HIVEP1: variants seen among roughly 807,000 people sequenced by gnomAD.
The protein encoded by HIVEP1 is HIVEP zinc finger 1.
Under a neutral mutation model 180.0 loss-of-function variants are expected in HIVEP1, and 36 were observed. The ratio of observed to expected loss-of-function variants is 0.20; its 90% confidence interval spans 0.15 to 0.26. The LOEUF (loss-of-function observed/expected upper bound fraction) is 0.26, where lower values mean the gene tolerates loss of function less well. HIVEP1 is among the 10% of genes least tolerant of loss of function. The pLI is 1.00. For synonymous variants in HIVEP1, 1,239 were observed against 1,239.0 expected, an observed-to-expected ratio of 1.00 and a Z score of 0.00; for missense variants, 3,143 against 3,268.7, an observed-to-expected ratio of 0.96 and a Z score of 0.94.
the HIVEP1 span, among the ~76,000 whole-genome samples, chr6:12,199,320 C>T: frequency 1.1e-4 from 17 of 150,222 alleles, no homozygotes; most frequent in East Asian, 5.9e-4. Context: ...AATGTGAGAA[C>T]GGACTAATCC....
intron 7 of HIVEP1, among the ~76,000 whole-genome samples, chr6:12,144,383 G>A (rs568647591): frequency 1.3e-5 from 2 of 152,324 alleles, no homozygotes; most frequent in South Asian, 2.1e-4. Flanking sequence ...ATTGATTCAA[G>A]ATGGGTTAAA....
chr6:12,138,133 A>G (rs1758805826), intron 7 of HIVEP1, among the ~76,000 whole-genome samples: 1 of 152,218 alleles, frequency 6.6e-6, no homozygotes, highest in South Asian at 2.1e-4. Flanking sequence ...ATATCTATGA[A>G]TAGTATGTGA....
chr6:12,010,020 TC>T (rs1366519473), upstream of HIVEP1, among the ~76,000 whole-genome samples: 2 of 152,244 alleles, frequency 1.3e-5, no homozygotes, highest in Non-Finnish European at 2.9e-5. Context: ...TCACTCATTA[TC>T]ACATTACCTT....
intron 7 of HIVEP1, among the ~76,000 whole-genome samples, chr6:12,141,211 G>T (rs1015178169): frequency 2.0e-5 from 3 of 151,970 alleles, no homozygotes; most frequent in African/African-American, 7.3e-5. Context: ...GTGGGGGCTG[G>T]TATTCAGCAT....
the HIVEP1 span, among the ~76,000 whole-genome samples, chr6:12,197,419 T>C: frequency 3.3e-5 from 5 of 150,698 alleles, no homozygotes; most frequent in African/African-American, 1.2e-4. Flanking sequence ...ATTAGCCAGG[T>C]GTGGTGGCAT....
chr6:12,071,284 AC>A (rs1208605854), intron 2 of HIVEP1, among the ~76,000 whole-genome samples: 3 of 151,872 alleles, frequency 2.0e-5, no homozygotes, highest in Non-Finnish European at 2.9e-5. Context: ...AAAGTGGGTC[AC>A]CTCCTTGATA....
rs768555369 is a variant in HIVEP1, at chr6:12,161,912, G to T, written c.6961G>T (p.Ala2321Ser). 9 of 1,611,438 alleles carry T rather than the reference G, an allele frequency of 5.6e-6. No homozygotes were observed. Among genetic ancestry groups the T allele is most frequent in the Middle Eastern group, 1.7e-4 (1 of 6,050 alleles). ...EILRSSMAGKAVAITQSPSSV... is the reference protein window; with the variant it reads ...EILRSSMAGKSVAITQSPSSV... ...TCTGAGAAGTTCTATGGCAGGAAAA[G>T]CTGTTGCTATAACACAGGTAAATGA... The change falls in exon 8 of 9, where the codon GCT becomes TCT. Residue 2321 changes from alanine (A) to serine (S), a missense_variant. Physicochemically the swap from Ala to Ser is moderately conservative, Grantham distance 99. Coordinates refer to ENST00000379388, the MANE Select transcript of HIVEP1 (RefSeq NM_002114.4).
intron 3 of HIVEP1, among the ~76,000 whole-genome samples, chr6:12,104,951 C>CT (rs1277577827): frequency 6.6e-6 from 1 of 152,114 alleles, no homozygotes; most frequent in Non-Finnish European, 1.5e-5. Context: ...CCCTGTAAAT[C>CT]TGTTTATAAT....
the HIVEP1 span, among the ~76,000 whole-genome samples, chr6:12,186,404 A>T: frequency 5.9e-5 from 9 of 152,126 alleles, no homozygotes; most frequent in East Asian, 1.7e-3. Flanking sequence ...AAGGCAGATC[A>T]GTGGTTGTCT....
intron 2 of HIVEP1, among the ~76,000 whole-genome samples, chr6:12,045,719 G>T (rs749449556): frequency 6.6e-6 from 1 of 152,200 alleles, no homozygotes; most frequent in Non-Finnish European, 1.5e-5. Flanking sequence ...GCACATAAAT[G>T]CCTCTGGTGA....
At chr6:12,167,660 AT>A (rs2113706343), downstream of HIVEP1, among the ~76,000 whole-genome samples, 1 of 97,856 alleles carries the variant, frequency 1.0e-5, no homozygotes, top group Non-Finnish European at 2.2e-5. Context: ...TATATGTTAT[AT>A]ATACATATAT....
chr6:12,056,018 A>G (rs1770844856), intron 2 of HIVEP1, among the ~76,000 whole-genome samples: 1 of 152,186 alleles, frequency 6.6e-6, no homozygotes, highest in Non-Finnish European at 1.5e-5. Flanking sequence ...CACCTTAGGT[A>G]GCAGAAGTCA....
At chr6:12,189,108 G>A in the HIVEP1 span, among the ~76,000 whole-genome samples, 1 of 151,842 alleles carries the variant, frequency 6.6e-6, no homozygotes, top group Non-Finnish European at 1.5e-5. Flanking sequence ...GATAACGGTG[G>A]AGTGTTTTAA....
rs1317654452 is a variant in HIVEP1 at position 12,123,963 on chromosome 6, T to A, written c.4168T>A (p.Cys1390Ser). The change falls in exon 4 of 9, where the codon TGT (cysteine) becomes AGT (serine). Residue 1390 changes from cysteine (C) to serine (S), a missense_variant. This residue lies in a region of HIVEP1 where 1,357 missense variants were observed against 1,260.5 expected (regional missense o/e 1.08). Transcript: ENST00000379388. ...VSDLRSKSFD[C>S]GSITPPQTTP... is the part of the protein sequence containing the mutation. ...TGATCTCAGAAGCAAATCATTCGATTGTGGAAGCATCACCCCACCCCAGAC... is the reference window on the plus strand; with the variant it reads ...TGATCTCAGAAGCAAATCATTCGATAGTGGAAGCATCACCCCACCCCAGAC... 2.5e-6 allele frequency: 4 copies of A among 1,614,026 alleles called. No individual in the cohort carries two copies. Among genetic ancestry groups the A allele is most frequent in the Non-Finnish European group, 3.4e-6 (4 of 1,180,020 alleles).
chr6:12,026,040 CA>C (rs113797667), intron 2 of HIVEP1, among the ~76,000 whole-genome samples: 385 of 130,060 alleles, frequency 3.0e-3, no homozygotes, highest in East Asian at 3.6e-3. Context: ...AACCCCATAT[CA>C]AAAAAAAAAA....
chr6:12,109,314 G>T (rs1774730927), intron 3 of HIVEP1, among the ~76,000 whole-genome samples: 1 of 152,208 alleles, frequency 6.6e-6, no homozygotes, highest in African/African-American at 2.4e-5. Flanking sequence ...AAGCAGTGAA[G>T]TTTGCCACCT....
chr6:12,166,443 A>G (rs1019458203), downstream of HIVEP1, among the ~76,000 whole-genome samples: 7 of 152,192 alleles, frequency 4.6e-5, no homozygotes, highest in African/African-American at 1.7e-4. Context: ...GTACTTTTCA[A>G]GATTCTTATT....
At chr6:12,171,888 G>A in the HIVEP1 span, among the ~76,000 whole-genome samples, 2 of 152,180 alleles carry the variant, frequency 1.3e-5, no homozygotes, top group Non-Finnish European at 2.9e-5. Flanking sequence ...CCTCTAAGAT[G>A]TATTGGGATC....
At chr6:12,147,845 C>A (rs1035466664) in intron 7 of HIVEP1, among the ~76,000 whole-genome samples, 1 of 152,144 alleles carries the variant, frequency 6.6e-6, no homozygotes, top group Admixed American at 6.5e-5. Flanking sequence ...ATAGCGCTAT[C>A]AATTTATTAA....
Sources: allele counts gnomAD v4.1 joint callset (sites outside exome capture counted in the v4.1 genomes callset), GRCh38; gene constraint gnomAD v4.1.1; regional missense constraint gnomAD v4.1.1; transcripts MANE v1.5; gene names NCBI Gene and HGNC (gene_info 2026-07-23, HGNC 2026-07-21).